Variants in PTPRR observed in about 807,000 individuals in gnomAD.
PTPRR encodes protein tyrosine phosphatase receptor type R, also known as receptor-type tyrosine-protein phosphatase R.
PTPRR carries 38 observed loss-of-function variants against 77.2 expected under a neutral mutation model. That is an observed-to-expected ratio of 0.49 (90% confidence interval 0.38 to 0.65). PTPRR has a LOEUF of 0.65. Ranked by LOEUF, PTPRR falls within the 30% of genes least tolerant of loss-of-function variation. The pLI is 0.00. For synonymous variants in PTPRR, 299 were observed against 283.1 expected (o/e 1.06, Z -0.57); for missense variants, 744 against 799.2 (o/e 0.93, Z 0.83).
intron 2 of PTPRR, among the ~76,000 whole-genome samples, chr12:70,851,841 A>G (rs926541970): frequency 1.3e-5 from 2 of 152,262 alleles, no homozygotes; most frequent in African/African-American, 4.8e-5. Flanking sequence ...TATGTGCAGA[A>G]TAGACAAGAA....
intron 2 of PTPRR, among the ~76,000 whole-genome samples, chr12:70,865,382 T>A (rs915201872): frequency 2.7e-5 from 3 of 112,914 alleles, no homozygotes; most frequent in Non-Finnish European, 6.5e-5. Context: ...GGAACTGATA[T>A]ACTTACGAGA....
At chr12:70,815,939 G>A (rs919841366) in intron 2 of PTPRR, among the ~76,000 whole-genome samples, 3 of 152,076 alleles carry the variant, frequency 2.0e-5, no homozygotes, top group African/African-American at 7.2e-5. Context: ...GCTTTTAGCT[G>A]TTTTTTCCCT....
intron 10 of PTPRR, chr12:70,673,086 C>T: frequency 9.4e-7 from 1 of 1,063,378 alleles, no homozygotes; most frequent in Non-Finnish European, 1.2e-6. Context: ...ACTTATACAG[C>T]AGTTCTGGTA....
intron 2 of PTPRR, among the ~76,000 whole-genome samples, chr12:70,829,663 G>C (rs1049322489): frequency 2.6e-5 from 4 of 152,162 alleles, no homozygotes; most frequent in Non-Finnish European, 2.9e-5. Flanking sequence ...TTTGGACTGA[G>C]AAGTGTTTTT....
intron 8 of PTPRR, chr12:70,685,005 A>T: frequency 2.8e-6 from 1 of 351,306 alleles, no homozygotes; most frequent in African/African-American, 2.1e-5. Context: ...TAAGCTGATG[A>T]GTTTATATTT....
At chr12:70,826,837 G>T (rs1240236677) in intron 2 of PTPRR, among the ~76,000 whole-genome samples, 2 of 152,100 alleles carry the variant, frequency 1.3e-5, no homozygotes, top group East Asian at 3.9e-4. Context: ...CATCCTCAAG[G>T]CTCTATTGGA....
intron 2 of PTPRR, among the ~76,000 whole-genome samples, chr12:70,821,212 G>GTTTTTTTTTTTTTTTTTT (rs1252907478): frequency 4.5e-5 from 2 of 44,552 alleles, no homozygotes; most frequent in Non-Finnish European, 1.0e-4. Flanking sequence ...AGGGATCACT[G>GTTTTTTTTTTTTTTTTTT]CTTTTTTTTT....
chr12:70,769,603 C>T (rs1335002468), intron 2 of PTPRR, among the ~76,000 whole-genome samples: 1 of 152,054 alleles, frequency 6.6e-6, no homozygotes, highest in Non-Finnish European at 1.5e-5. Flanking sequence ...TTTATAGATT[C>T]AATGCCATCC....
intron 6 of PTPRR, among the ~76,000 whole-genome samples, chr12:70,702,042 T>C (rs1394031007): frequency 2.0e-5 from 3 of 152,100 alleles, no homozygotes; most frequent in African/African-American, 4.8e-5. Flanking sequence ...TTTATGTGTA[T>C]ATGTATGCAC....
chr12:70,871,913 A>G (rs1177173398), intron 2 of PTPRR, among the ~76,000 whole-genome samples: 1 of 152,212 alleles, frequency 6.6e-6, no homozygotes, highest in South Asian at 2.1e-4. Context: ...CATAAAGATT[A>G]TAATAATGAT....
intron 2 of PTPRR, among the ~76,000 whole-genome samples, chr12:70,869,440 G>A (rs12302724): frequency 0.12 from 18,485 of 152,052 alleles, 2,092 homozygotes; most frequent in African/African-American, 0.3. Flanking sequence ...TGCCCAAAGT[G>A]GGACACTATT....
intron 13 of PTPRR, among the ~76,000 whole-genome samples, chr12:70,646,813 C>A (rs531372222): frequency 6.6e-6 from 1 of 151,960 alleles, no homozygotes; most frequent in South Asian, 2.1e-4. Context: ...AGTTGATAAA[C>A]CTTAGACCAA....
intron 2 of PTPRR, among the ~76,000 whole-genome samples, chr12:70,867,476 CA>C (rs1241207157): frequency 6.6e-6 from 1 of 151,916 alleles, no homozygotes; most frequent in African/African-American, 2.4e-5. Flanking sequence ...ATCCAACTTA[CA>C]AGGGATGTGA....
In PTPRR at chr12:70,881,455, T is replaced by C. The variant is rs566436702; in HGVS notation, c.357+11224A>G. ...CACATACACACACCTCTTCCCACAATTGTAGAAATTGTTTGTGAACATTTG... is the reference window on the plus strand; with the variant it reads ...CACATACACACACCTCTTCCCACAACTGTAGAAATTGTTTGTGAACATTTG... On this transcript the variant is annotated intron_variant, in intron 2 of 13. Coordinates refer to ENST00000283228, the MANE Select transcript of PTPRR (RefSeq NM_002849.4). 2.0e-5 allele frequency among the ~76,000 whole-genome samples: 3 copies of C among 152,230 alleles called. No individual in the cohort carries two copies. In the East Asian group the frequency reaches 5.8e-4, roughly 29 times the overall value.
chr12:70,809,216 C>G (rs1891765528), intron 2 of PTPRR, among the ~76,000 whole-genome samples: 1 of 152,118 alleles, frequency 6.6e-6, no homozygotes, highest in South Asian at 2.1e-4. Context: ...CCCCTTCCTT[C>G]CTTAAACACT....
Position 70,713,600 on chromosome 12 carries a change from T to A in PTPRR, c.1008-12277A>T, listed in dbSNP as rs1177701026. On this transcript the variant is annotated intron_variant, in intron 6 of 13. Transcript: ENST00000283228. ...TTTTAATAATAGCCATCCTAGTAGG[T>A]GTGAAGTGTATCTCATTGTGGCTTT... 2.0e-5 allele frequency among the ~76,000 whole-genome samples: 3 copies of A among 149,476 alleles called. No homozygotes were observed. The East Asian group carries it at 6.0e-4, about 30-fold the overall frequency.
intron 10 of PTPRR, among the ~76,000 whole-genome samples, chr12:70,668,285 G>C (rs78129881): frequency 0.049 from 7,448 of 152,144 alleles, 380 homozygotes; most frequent in East Asian, 0.24. Flanking sequence ...GGAAGAGGAG[G>C]AGGAGGAGGA....
rs1887395015 is a variant in PTPRR, at chr12:70,675,130, T to C, written c.1497+8997A>G. 1.3e-5 allele frequency among the ~76,000 whole-genome samples: 2 copies of C among 152,080 alleles called. 1 individual carries two copies. The highest frequency in any genetic ancestry group is 4.1e-4 in the South Asian group (2 of 4,832). ...GAATTATTCTTTTGAGAGTCAGTTT[T>C]ATCTAACTTGACTTTTGATTAGTAT... is the stretch of plus-strand genomic sequence containing the variant. On this transcript the variant is annotated intron_variant, in intron 10 of 13. Transcript: ENST00000283228.
At chr12:70,850,000 C>G (rs1892545747) in intron 2 of PTPRR, among the ~76,000 whole-genome samples, 1 of 152,014 alleles carries the variant, frequency 6.6e-6, no homozygotes, top group Admixed American at 6.6e-5. Context: ...TTTTTCTATT[C>G]TAATAAAATC....
Sources: allele counts gnomAD v4.1 joint callset (sites outside exome capture counted in the v4.1 genomes callset), GRCh38; gene constraint gnomAD v4.1.1; transcripts MANE v1.5; gene names NCBI Gene and HGNC (gene_info 2026-07-23, HGNC 2026-07-21).